The following DLG2 variants were observed in gnomAD, a reference collection of about 807,000 sequenced individuals.
DLG2 encodes the protein discs large MAGUK scaffold protein 2, also known as disks large homolog 2.
In DLG2, 45 loss-of-function variants were observed where a neutral mutation model predicts 132.5. That is an observed-to-expected ratio of 0.34 (90% CI 0.27 to 0.44). DLG2 has a LOEUF of 0.44. DLG2 is among the 20% of genes least tolerant of loss of function. DLG2 has a pLI of 1.00. For missense variants in DLG2, 1,045 were observed against 1,196.9 expected, an observed-to-expected ratio of 0.87 and a Z score of 1.87; for synonymous variants, 424 against 419.6, an observed-to-expected ratio of 1.01 and a Z score of -0.13.
intron 8 of DLG2, among the ~76,000 whole-genome samples, chr11:84,218,750 T>C (rs779784580): frequency 3.9e-5 from 6 of 152,212 alleles, no homozygotes; most frequent in Non-Finnish European, 7.3e-5. Flanking sequence ...CATTTGGCAA[T>C]GTCTGTAAAT....
chr11:85,364,674 G>T (rs777671864), intron 3 of DLG2, among the ~76,000 whole-genome samples: 1 of 152,086 alleles, frequency 6.6e-6, no homozygotes, highest in Non-Finnish European at 1.5e-5. Context: ...TCTTCTTGGG[G>T]AACATAAACT....
In DLG2 at chr11:85,407,799, T is replaced by C. The variant is rs139796413; in HGVS notation, c.41-122434A>G. ...CTTATACTCCAAGTTGAGTCAGCCA[T>C]GAGTTATAGGCAGCTACAGAGAGGT... On this transcript the variant is annotated intron_variant, in intron 3 of 27. Coordinates refer to ENST00000376104, the MANE Select transcript of DLG2 (RefSeq NM_001142699.3). Among the ~76,000 whole-genome samples the C allele has an allele frequency of 1.7e-3, 263 of 151,960 alleles. 2 individuals carry two copies. Among genetic ancestry groups the C allele is most frequent in the Admixed American group, 3.2e-3 (48 of 15,202 alleles).
At chr11:84,814,115 A>C (rs113265162) in intron 6 of DLG2, among the ~76,000 whole-genome samples, 19 of 151,968 alleles carry the variant, frequency 1.3e-4, no homozygotes, top group African/African-American at 4.6e-4. Flanking sequence ...GCGCTTGTAG[A>C]TTTTTTACAT....
At position 84,328,069 on chromosome 11, in the gene DLG2, C is replaced by A. The variant is rs192744124; in HGVS notation, c.520-76778G>T. Among the ~76,000 whole-genome samples the A allele has an allele frequency of 1.2e-4, 18 of 152,240 alleles. 1 individual carries two copies. The East Asian group carries it at 3.5e-3, about 29-fold the overall frequency. On this transcript the variant is annotated intron_variant, in intron 7 of 27. Transcript: ENST00000376104. The stretch of plus-strand genomic sequence containing the variant: ...TTCTAGATCCTCTACTGACTCTTTC[C>A]TGGTTGCCAAAAGCAGAAAAGGTAG...
At chr11:84,659,309 G>T (rs2099691929) in intron 6 of DLG2, among the ~76,000 whole-genome samples, 1 of 151,766 alleles carries the variant, frequency 6.6e-6, no homozygotes, top group South Asian at 2.1e-4. Context: ...TAAAGTGTGG[G>T]CTCTCTATTC....
At chr11:83,795,416 A>G (rs1053682900) in intron 17 of DLG2, among the ~76,000 whole-genome samples, 4 of 136,254 alleles carry the variant, frequency 2.9e-5, no homozygotes, top group Non-Finnish European at 4.9e-5. Context: ...TAAGAAAAAA[A>G]ATATCTATAT....
In DLG2 at chr11:85,185,802, G is replaced by A. The variant is rs528553469; in HGVS notation, c.187-31151C>T. 2.6e-5 allele frequency among the ~76,000 whole-genome samples: 4 copies of A among 151,782 alleles called. No individual in the cohort carries two copies. The East Asian group carries it at 5.8e-4, about 22-fold the overall frequency. ...ATATATTACATATTAAGCATTATCT[G>A]TATGTTAGTGACTGCTAACTACTTC... On this transcript the variant is annotated intron_variant, in intron 4 of 27. Transcript: ENST00000376104.
chr11:83,800,825 T>A (rs2044169310), intron 17 of DLG2, among the ~76,000 whole-genome samples: 1 of 152,162 alleles, frequency 6.6e-6, no homozygotes, highest in Non-Finnish European at 1.5e-5. Context: ...ATTCATGCAT[T>A]TCAAGTAAAA....
At chr11:83,845,259 A>G (rs576862712) in intron 16 of DLG2, among the ~76,000 whole-genome samples, 2 of 152,324 alleles carry the variant, frequency 1.3e-5, no homozygotes, top group Admixed American at 1.3e-4. Context: ...GAGATCAAAA[A>G]GATCTTTTTA....
At chr11:84,397,730 T>A (rs1003029743) in intron 7 of DLG2, among the ~76,000 whole-genome samples, 6 of 152,242 alleles carry the variant, frequency 3.9e-5, no homozygotes, top group Non-Finnish European at 7.3e-5. Context: ...TTACCACAGT[T>A]AGCTTGCATC....
At chr11:85,345,175 A>T (rs1001993599) in intron 3 of DLG2, among the ~76,000 whole-genome samples, 7 of 152,198 alleles carry the variant, frequency 4.6e-5, no homozygotes, top group Non-Finnish European at 1.0e-4. Flanking sequence ...CATTCTTGTT[A>T]TAAATCATAC....
At chr11:83,747,121 A>T (rs1258308059) in intron 18 of DLG2, among the ~76,000 whole-genome samples, 1 of 152,170 alleles carries the variant, frequency 6.6e-6, no homozygotes, top group Non-Finnish European at 1.5e-5. Flanking sequence ...AGTGAGTCAT[A>T]ACATAGCACA....
chr11:85,558,751 GGGCATAAAGAT>G (rs1419902627), intron 3 of DLG2, among the ~76,000 whole-genome samples: 1 of 151,720 alleles, frequency 6.6e-6, no homozygotes, highest in East Asian at 1.9e-4. Context: ...GGATACTCAT[GGGCATAAAGAT>G]GGCAACAATA....
intron 6 of DLG2, chr11:84,720,946 G>A (rs1454475224): frequency 1.3e-5 from 2 of 151,946 alleles, no homozygotes; most frequent in African/African-American, 2.4e-5. Flanking sequence ...GGCAAGTGGG[G>A]TGGGAGGAAG....
At chr11:84,425,483 C>G (rs1056589637) in intron 7 of DLG2, among the ~76,000 whole-genome samples, 3 of 152,070 alleles carry the variant, frequency 2.0e-5, no homozygotes, top group Admixed American at 2.0e-4. Flanking sequence ...AAAGGAAATT[C>G]TTACTTGTGT....
intron 6 of DLG2, among the ~76,000 whole-genome samples, chr11:84,683,444 C>T (rs979934558): frequency 6.6e-6 from 1 of 152,166 alleles, no homozygotes; most frequent in Non-Finnish European, 1.5e-5. Flanking sequence ...GCTTAACAAT[C>T]ATAGTCCAAA....
At chr11:85,445,267 AAT>A (rs1430213872) in intron 3 of DLG2, among the ~76,000 whole-genome samples, 1 of 152,162 alleles carries the variant, frequency 6.6e-6, no homozygotes, top group African/African-American at 2.4e-5. Flanking sequence ...AACAGGCAGA[AAT>A]GGACTCCAGA....
chr11:84,263,283 C>T (rs1421456729), intron 7 of DLG2, among the ~76,000 whole-genome samples: 1 of 152,040 alleles, frequency 6.6e-6, no homozygotes, highest in African/African-American at 2.4e-5. Context: ...TCTGTTTTTA[C>T]CACTCAGACA....
chr11:85,229,615 T>C (rs2152638890), intron 4 of DLG2, among the ~76,000 whole-genome samples: 1 of 152,192 alleles, frequency 6.6e-6, no homozygotes, highest in East Asian at 1.9e-4. Flanking sequence ...AGAAATACCA[T>C]CTGACTCAGC....
Sources: gnomAD v4.1 joint callset for allele counts (sites outside exome capture counted in the v4.1 genomes callset) on GRCh38, gnomAD v4.1.1 for gene constraint, MANE v1.5 for transcripts, NCBI Gene and HGNC (gene_info 2026-07-23, HGNC 2026-07-21) for gene names.